Variants in IQGAP2 observed in about 807,000 individuals in gnomAD.
The protein encoded by IQGAP2 is ras GTPase-activating-like protein IQGAP2.
IQGAP2 carries 173 observed loss-of-function variants against 201.3 expected under a neutral mutation model. That is an observed-to-expected ratio of 0.86 (90% CI 0.76 to 0.98). The LOEUF (loss-of-function observed/expected upper bound fraction) is 0.98. IQGAP2 is among the 50% of genes least tolerant of loss of function. The probability of loss-of-function intolerance (pLI) is 0.00; values close to 1 mark genes in which losing one functional copy is unlikely to be tolerated. For synonymous variants in IQGAP2, 675 were observed against 673.9 expected (o/e 1.00, Z -0.03); for missense variants, 1,687 against 1,864.8 (o/e 0.90, Z 1.76).
intron 1 of IQGAP2, among the ~76,000 whole-genome samples, chr5:76,436,008 G>A (rs762459469): frequency 6.6e-6 from 1 of 151,918 alleles, no homozygotes; most frequent in Non-Finnish European, 1.5e-5. Flanking sequence ...CTCTTGATTT[G>A]ATTCTTAGCT....
chr5:76,595,011 A>G, intron 9 of IQGAP2, among the ~76,000 whole-genome samples: 1 of 151,756 alleles, frequency 6.6e-6, no homozygotes, highest in Non-Finnish European at 1.5e-5. Context: ...CTTTGACAAG[A>G]TTTTCCTCAA....
intron 30 of IQGAP2, among the ~76,000 whole-genome samples, chr5:76,685,957 A>G (rs1452185317): frequency 1.3e-5 from 2 of 152,216 alleles, no homozygotes; most frequent in Admixed American, 1.3e-4. Context: ...AGCCCCTAGC[A>G]ACTACTAGTC....
At chr5:76,607,943 T>C (rs541668139) in intron 12 of IQGAP2, 1 of 152,390 alleles carries the variant, frequency 6.6e-6, no homozygotes, top group South Asian at 2.1e-4. Context: ...TCTGCTTTGG[T>C]TATTTCTGTA....
intron 1 of IQGAP2, among the ~76,000 whole-genome samples, chr5:76,455,703 C>T (rs1248166258): frequency 1.3e-5 from 2 of 152,132 alleles, no homozygotes; most frequent in South Asian, 2.1e-4. Context: ...ATTCCAGGCC[C>T]TAGTGACCTC....
chr5:76,570,598 C>T lies in IQGAP2; in HGVS notation c.322C>T (p.Arg108Ter), dbSNP rs192694811. Residue 108 changes from arginine to a stop codon, truncating the protein, a stop_gained, in exon 4 of 36, where the codon CGA becomes TGA. Coordinates refer to ENST00000274364, the MANE Select transcript of IQGAP2 (RefSeq NM_006633.5). LOFTEE classifies it high-confidence loss of function. The part of the protein sequence containing the change: ...TRYKKSGLHF[R>*]HTDNTVQWLR... ...ACTTTAGAAGTCTGGCCTTCATTTT[C>T]GACACACAGATAATACCGTCCAGTG... 3.8e-4 allele frequency: 608 copies of T among 1,613,104 alleles called. No homozygotes were observed. The highest frequency in any genetic ancestry group is 4.9e-4 in the Non-Finnish European group (577 of 1,179,230).
At chr5:76,627,321 A>AGTTGC in intron 13 of IQGAP2, 89 bp from the exon 14 acceptor site, 1 of 880,656 alleles carries the variant, frequency 1.1e-6, no homozygotes, top group East Asian at 2.4e-5. Context: ...TGTGGGAATT[A>AGTTGC]TGATTAAATG....
chr5:76,563,294 AAGG>A (rs1176891824), intron 3 of IQGAP2, among the ~76,000 whole-genome samples: 1 of 152,192 alleles, frequency 6.6e-6, no homozygotes, highest in Non-Finnish European at 1.5e-5. Flanking sequence ...TTAAATTTAG[AAGG>A]AGGAGGGAGA....
At chr5:76,519,669 AT>A in intron 2 of IQGAP2, among the ~76,000 whole-genome samples, 1 of 152,138 alleles carries the variant, frequency 6.6e-6, no homozygotes, top group African/African-American at 2.4e-5. Flanking sequence ...TGTGAGTTCT[AT>A]TTTTTTCTGC....
chr5:76,534,712 A>T (rs998966634), intron 2 of IQGAP2, among the ~76,000 whole-genome samples: 1 of 152,210 alleles, frequency 6.6e-6, no homozygotes, highest in East Asian at 1.9e-4. Context: ...CTGATTTGAA[A>T]AACTTTAAAA....
intron 2 of IQGAP2, chr5:76,547,316 A>G (rs1418154759): frequency 1.3e-5 from 4 of 315,320 alleles, no homozygotes; most frequent in South Asian, 1.2e-4. Flanking sequence ...TGTTTCTTCT[A>G]TGTTGAAATA....
chr5:76,620,142 G>A (rs1461029013), intron 13 of IQGAP2, among the ~76,000 whole-genome samples: 2 of 152,164 alleles, frequency 1.3e-5, no homozygotes, highest in East Asian at 1.9e-4. Flanking sequence ...ATTTGATATA[G>A]CAGCAGTAGG....
intron 1 of IQGAP2, among the ~76,000 whole-genome samples, chr5:76,443,324 A>G (rs549597687): frequency 2.0e-5 from 3 of 152,306 alleles, no homozygotes; most frequent in African/African-American, 4.8e-5. Flanking sequence ...AAATTCAACT[A>G]TGTCTCATTT....
chr5:76,602,217 C>T (rs1580567799), intron 11 of IQGAP2, among the ~76,000 whole-genome samples: 1 of 152,300 alleles, frequency 6.6e-6, no homozygotes, highest in East Asian at 1.9e-4. Context: ...TACTTCTTTT[C>T]TCTCCCCATT....
Position 76,532,236 on chromosome 5 carries a change from C to T in IQGAP2, c.147-30160C>T, listed in dbSNP as rs184977275. 4.6e-5 allele frequency among the ~76,000 whole-genome samples: 7 copies of T among 152,284 alleles called. No homozygotes were observed. The East Asian group carries it at 1.2e-3, about 25-fold the overall frequency. On this transcript the variant is annotated intron_variant, in intron 2 of 35. Coordinates refer to ENST00000274364, the MANE Select transcript of IQGAP2 (RefSeq NM_006633.5). ...TAGAAACCATATGAGACCAGGCATG[C>T]TGGCGCATGTCTATAGTCCCAGATA...
chr5:76,535,406 T>A (rs1759561963), intron 2 of IQGAP2, among the ~76,000 whole-genome samples: 1 of 152,172 alleles, frequency 6.6e-6, no homozygotes, highest in Non-Finnish European at 1.5e-5. Context: ...AAAATGCCCA[T>A]GTCACAAAAA....
chr5:76,420,830 A>G (rs1751694144), intron 1 of IQGAP2, among the ~76,000 whole-genome samples: 1 of 152,214 alleles, frequency 6.6e-6, no homozygotes, highest in Non-Finnish European at 1.5e-5. Flanking sequence ...ATTATACAGT[A>G]TTTGGTCTTT....
At chr5:76,530,760 T>G (rs1316737644) in intron 2 of IQGAP2, among the ~76,000 whole-genome samples, 2 of 152,256 alleles carry the variant, frequency 1.3e-5, no homozygotes, top group Non-Finnish European at 2.9e-5. Context: ...AAAGTCCTGT[T>G]TCTTCCTGTC....
intron 1 of IQGAP2, among the ~76,000 whole-genome samples, chr5:76,433,926 G>C (rs34483409): frequency 0.26 from 38,839 of 152,068 alleles, 6,557 homozygotes; most frequent in Non-Finnish European, 0.36. Flanking sequence ...CAGCTATGAA[G>C]TTATGAGGCT....
At chr5:76,591,938 G>GC (rs1378108101) in intron 8 of IQGAP2, among the ~76,000 whole-genome samples, 2 of 152,106 alleles carry the variant, frequency 1.3e-5, no homozygotes, top group African/African-American at 4.8e-5. Flanking sequence ...CTCTTTTTAT[G>GC]CCCCCTGTGT....
Sources: gnomAD v4.1 joint callset for allele counts (sites outside exome capture counted in the v4.1 genomes callset) on GRCh38, gnomAD v4.1.1 for gene constraint, MANE v1.5 for transcripts, NCBI Gene and HGNC (gene_info 2026-07-23, HGNC 2026-07-21) for gene names.